Variants in FAM72B observed in about 807,000 individuals in gnomAD.
FAM72B encodes the protein protein FAM72B.
A neutral mutation model predicts 12.6 loss-of-function variants in FAM72B; 4 were observed. That is an observed-to-expected ratio of 0.32 (90% CI 0.16 to 0.73). The LOEUF is 0.73. Ranked by LOEUF, FAM72B falls within the 30% of genes least tolerant of loss-of-function variation. FAM72B has a pLI of 0.67. For missense variants in FAM72B, 61 were observed against 158.4 expected (o/e 0.39, Z 3.30); for synonymous variants, 13 against 53.9 (o/e 0.24, Z 3.32).
intron 3 of FAM72B, 25 bp from the exon 4 acceptor site, chr1:121,168,860 C>A (rs1473270956): frequency 1.3e-6 from 2 of 1,599,144 alleles, no homozygotes; most frequent in East Asian, 2.2e-5. Context: ...TCATAAAATT[C>A]TTTAATGCTT....
intron 3 of FAM72B, among the ~76,000 whole-genome samples, chr1:121,170,022 G>C (rs1654060393): frequency 1.3e-5 from 2 of 152,028 alleles, no homozygotes; most frequent in Non-Finnish European, 2.9e-5. Context: ...CCAGGCTGGA[G>C]ACGAGTGGTG....
chr1:121,174,934 C>T (rs1338439800), intron 3 of FAM72B, among the ~76,000 whole-genome samples: 1 of 152,092 alleles, frequency 6.6e-6, no homozygotes, highest in African/African-American at 2.4e-5. Flanking sequence ...AGGCGTGAAC[C>T]ACTGCATCTG....
chr1:121,168,779 C>G lies in FAM72B; in HGVS notation c.412G>C (p.Asp138His). Reference sequence around the variant, plus strand: ...TCCTCTGCTGAGATATTTAACACATCTTCATCTGTACTCTCTTCTATCTCT... The same window carrying G: ...TCCTCTGCTGAGATATTTAACACATGTTCATCTGTACTCTCTTCTATCTCT... Reference protein sequence around the residue: ...LPEIEESTDEDVLNISAEECI... With the variant: ...LPEIEESTDEHVLNISAEECI... The change falls in exon 4 of 4, where the codon GAT becomes CAT. Residue 138 changes from aspartate to histidine, a missense_variant. By Grantham distance (81) the Asp-to-His change is moderately conservative (BLOSUM62 -1). Transcript: ENST00000369390. 2 of 1,605,236 alleles carry G rather than the reference C, an allele frequency of 1.2e-6. No homozygotes were observed. The highest frequency in any genetic ancestry group is 1.7e-6 in the Non-Finnish European group (2 of 1,177,874).
At chr1:121,180,626 G>A (rs1570684207) in intron 2 of FAM72B, among the ~76,000 whole-genome samples, 1 of 151,698 alleles carries the variant, frequency 6.6e-6, no homozygotes, top group Non-Finnish European at 1.5e-5. Flanking sequence ...TTGGGAAGCT[G>A]AGGAGAGAGG....
intron 3 of FAM72B, 82 bp from the exon 4 acceptor site, chr1:121,168,917 A>T (rs1570677176): frequency 4.0e-6 from 3 of 744,478 alleles, no homozygotes; most frequent in Non-Finnish European, 2.2e-6. Flanking sequence ...TTATATGTTA[A>T]TATTCTTATG....
chr1:121,181,997 A>G (rs1654341759), intron 1 of FAM72B, among the ~76,000 whole-genome samples: 1 of 151,970 alleles, frequency 6.6e-6, no homozygotes, highest in Non-Finnish European at 1.5e-5. Context: ...ACCTGTAACA[A>G]TTCACCTAGC....
At chr1:121,179,395 A>T (rs1248339982) in intron 2 of FAM72B, among the ~76,000 whole-genome samples, 3 of 149,444 alleles carry the variant, frequency 2.0e-5, no homozygotes, top group Non-Finnish European at 4.5e-5. Flanking sequence ...AACAAAAAAA[A>T]TGTCGTTGCC....
intron 3 of FAM72B, among the ~76,000 whole-genome samples, chr1:121,172,286 T>C (rs1279905963): frequency 3.0e-5 from 4 of 133,888 alleles, no homozygotes; most frequent in African/African-American, 1.2e-4. Flanking sequence ...TGAGCCAAGA[T>C]TGTGCCACTA....
chr1:121,173,119 C>T (rs1181387841), intron 3 of FAM72B, among the ~76,000 whole-genome samples: 1 of 150,296 alleles, frequency 6.7e-6, no homozygotes, highest in Non-Finnish European at 1.5e-5. Context: ...GCCTCAGCAC[C>T]TTAACACAAG....
intron 2 of FAM72B, among the ~76,000 whole-genome samples, chr1:121,180,760 G>A (rs1445195705): frequency 2.0e-5 from 3 of 151,356 alleles, no homozygotes; most frequent in African/African-American, 7.3e-5. Context: ...TCAGGAGGCT[G>A]AGGTAGGAGA....
intron 3 of FAM72B, among the ~76,000 whole-genome samples, chr1:121,174,613 C>T (rs1294969743): frequency 6.6e-5 from 10 of 150,922 alleles, no homozygotes; most frequent in South Asian, 6.3e-4. Flanking sequence ...GTGATCTGCC[C>T]GCCTTGGCCT....
chr1:121,169,994 G>A (rs1430979565), intron 3 of FAM72B, among the ~76,000 whole-genome samples: 7 of 151,364 alleles, frequency 4.6e-5, no homozygotes, highest in East Asian at 1.9e-4. Context: ...TTTTTGAGTC[G>A]GAGTCTCGCT....
rs374325343 is a variant in FAM72B at position 121,168,750 on chromosome 1, A to G, written c.441T>C (p.Cys147=). 90 of 1,579,776 alleles carry G rather than the reference A, an allele frequency of 5.7e-5. No individual in the cohort carries two copies. The highest frequency in any genetic ancestry group is 7.9e-5 in the Admixed American group (4 of 50,320). Residue 147 remains cysteine (C), a synonymous_variant, in exon 4 of 4, where the codon TGT becomes TGC. Coordinates refer to ENST00000369390, the MANE Select transcript of FAM72B (RefSeq NM_001100910.2). The part of the protein sequence containing the change: ...EDVLNISAEE[C]IR ...TATATCATAATTCCATTTATCTAAT[A>G]CACTCCTCTGCTGAGATATTTAACA...
intron 3 of FAM72B, among the ~76,000 whole-genome samples, chr1:121,173,246 G>A (rs1225828412): frequency 7.3e-6 from 1 of 136,114 alleles, no homozygotes; most frequent in Admixed American, 7.4e-5. Flanking sequence ...GTGCAGCGGT[G>A]CCACCTCGGC....
At chr1:121,169,876 T>C (rs1276421214) in intron 3 of FAM72B, among the ~76,000 whole-genome samples, 1 of 152,168 alleles carries the variant, frequency 6.6e-6, no homozygotes, top group African/African-American at 2.4e-5. Context: ...GACAAGTTTA[T>C]TACTCTGGGC....
Position 121,172,517 on chromosome 1 carries a change from C to G in FAM72B, c.356-3682G>C, listed in dbSNP as rs1210595670. On this transcript the variant is annotated intron_variant, in intron 3 of 3. Transcript: ENST00000369390. ...GTGGCTCACACCTGTAATCCCAGCA[C>G]TTTGGGAGGCTGAGGTGGGCAGATC... Among the ~76,000 whole-genome samples the G allele has an allele frequency of 9.6e-5, 14 of 145,264 alleles. 1 individual carries two copies. Among genetic ancestry groups the G allele is most frequent in the African/African-American group, 3.9e-4 (14 of 35,626 alleles).
chr1:121,181,892 C>CAT (rs1654339237), intron 1 of FAM72B, among the ~76,000 whole-genome samples: 1 of 151,552 alleles, frequency 6.6e-6, no homozygotes, highest in Admixed American at 6.6e-5. Context: ...CATTGATTCA[C>CAT]ATACATCTTA....
At chr1:121,173,184 A>T (rs28889901) in intron 3 of FAM72B, among the ~76,000 whole-genome samples, 3 of 125,532 alleles carry the variant, frequency 2.4e-5, no homozygotes, top group South Asian at 2.4e-4. Flanking sequence ...TACTAAAATA[A>T]TTTTTTTTTT....
Sources: allele counts gnomAD v4.1 joint callset (sites outside exome capture counted in the v4.1 genomes callset), GRCh38; gene constraint gnomAD v4.1.1; transcripts MANE v1.5; gene names NCBI Gene and HGNC (gene_info 2026-07-23, HGNC 2026-07-21).